Variants in PMFBP1 observed in about 807,000 individuals in gnomAD.
The protein encoded by PMFBP1 is polyamine modulated factor 1 binding protein 1, also known as polyamine-modulated factor 1-binding protein 1.
Under a neutral mutation model 137.8 loss-of-function variants are expected in PMFBP1, and 131 were observed. The observed-to-expected ratio is 0.95, with a 90% CI of 0.82 to 1.10. PMFBP1 has a LOEUF of 1.10. PMFBP1 is among the 50% of genes least tolerant of loss of function. The pLI, the probability that PMFBP1 is intolerant of heterozygous loss-of-function variation, is 0.00. For synonymous variants in PMFBP1, 490 were observed against 450.4 expected (o/e 1.09, Z -1.11); for missense variants, 1,199 against 1,175.4 (o/e 1.02, Z -0.29).
the PMFBP1 span, among the ~76,000 whole-genome samples, chr16:72,187,202 T>C: frequency 6.6e-6 from 1 of 152,034 alleles, no homozygotes; most frequent in African/African-American, 2.4e-5. Context: ...TAAAGATTGA[T>C]AGTGGATGCG....
At chr16:72,141,702 A>T (rs2042725808) in intron 5 of PMFBP1, among the ~76,000 whole-genome samples, 1 of 147,342 alleles carries the variant, frequency 6.8e-6, no homozygotes, top group Admixed American at 6.8e-5. Context: ...TTGTTTCCAT[A>T]TTTTTTTTTT....
chr16:72,130,450 C>T (rs550799362), intron 11 of PMFBP1, 83 bp downstream of exon 11: 76 of 1,605,726 alleles, frequency 4.7e-5, no homozygotes, highest in East Asian at 1.1e-4. Flanking sequence ...TGCTCTCCCA[C>T]GCCTGGGCAG....
chr16:72,160,596 G>A (rs2043047017), intron 3 of PMFBP1, among the ~76,000 whole-genome samples: 1 of 151,568 alleles, frequency 6.6e-6, no homozygotes, highest in East Asian at 1.9e-4. Flanking sequence ...TTTCATTTAA[G>A]AACCGAAAAG....
intron 5 of PMFBP1, among the ~76,000 whole-genome samples, chr16:72,147,754 A>T (rs1393375640): frequency 1.3e-5 from 2 of 152,238 alleles, no homozygotes; most frequent in Non-Finnish European, 2.9e-5. Context: ...TATGCAGCCA[A>T]GAAAGATATG....
chr16:72,128,962 C>T, intron 13 of PMFBP1, 104 bp downstream of exon 13: 3 of 1,524,690 alleles, frequency 2.0e-6, no homozygotes, highest in Non-Finnish European at 2.6e-6. Flanking sequence ...TCCCGTCTTT[C>T]CTAAGCTCTG....
chr16:72,125,143 A>C, intron 16 of PMFBP1, 95 bp downstream of exon 16: 1 of 1,486,540 alleles, frequency 6.7e-7, no homozygotes, highest in South Asian at 1.3e-5. Flanking sequence ...CTAGCAGCCC[A>C]AGGGAATGAC....
At chr16:72,140,917 C>T (rs1597472232) in intron 5 of PMFBP1, among the ~76,000 whole-genome samples, 1 of 135,906 alleles carries the variant, frequency 7.4e-6, no homozygotes, top group South Asian at 2.4e-4. Flanking sequence ...TTTTTTCTTA[C>T]ACAAATGAGT....
chr16:72,140,334 G>A (rs2042697726), intron 6 of PMFBP1, 78 bp downstream of exon 6: 1 of 1,382,680 alleles, frequency 7.2e-7, no homozygotes, highest in East Asian at 2.3e-5. Flanking sequence ...TAATTTAGGT[G>A]ACTCTTTTCC....
intron 3 of PMFBP1, among the ~76,000 whole-genome samples, chr16:72,161,830 T>G (rs2043067082): frequency 1.3e-5 from 2 of 152,228 alleles, no homozygotes; most frequent in African/African-American, 4.8e-5. Flanking sequence ...TGAAATATTT[T>G]TTTTCATTCC....
the PMFBP1 span, among the ~76,000 whole-genome samples, chr16:72,245,994 C>T: frequency 6.6e-6 from 1 of 152,134 alleles, no homozygotes; most frequent in Non-Finnish European, 1.5e-5. Flanking sequence ...GCAGAATAAA[C>T]ACCACCACTG....
chr16:72,218,629 G>A, the PMFBP1 span, among the ~76,000 whole-genome samples: 1 of 152,128 alleles, frequency 6.6e-6, no homozygotes, highest in Non-Finnish European at 1.5e-5. Flanking sequence ...AAGTTGAAAG[G>A]CTCTTTAAAA....
At chr16:72,139,738 T>G (rs2042687690) in intron 6 of PMFBP1, among the ~76,000 whole-genome samples, 1 of 152,192 alleles carries the variant, frequency 6.6e-6, no homozygotes, top group Non-Finnish European at 1.5e-5. Context: ...GATACAAAGT[T>G]TGAGAATTAA....
chr16:72,148,209 T>C (rs2042843112), intron 5 of PMFBP1, among the ~76,000 whole-genome samples: 1 of 152,208 alleles, frequency 6.6e-6, no homozygotes, highest in Admixed American at 6.5e-5. Flanking sequence ...GATGAGTTCA[T>C]GTCCTTTGCA....
intron 3 of PMFBP1, among the ~76,000 whole-genome samples, chr16:72,156,481 G>C (rs142979871): frequency 6.6e-6 from 1 of 151,860 alleles, no homozygotes; most frequent in Non-Finnish European, 1.5e-5. Flanking sequence ...TTAGCCAGGC[G>C]TGGTGGCGGG....
In PMFBP1 at chr16:72,130,600, G is replaced by A; in HGVS notation, c.1570C>T (p.Leu524=). 3 of 1,614,022 alleles carry A rather than the reference G, an allele frequency of 1.9e-6. No individual in the cohort carries two copies. Among genetic ancestry groups the A allele is most frequent in the Non-Finnish European group, 2.5e-6 (3 of 1,180,002 alleles). ...DKQKADTIQE[L]QRELQMLQKE... ...TGCAGCATCTGAAGTTCTCTCTGTA[G>A]TTCCTGGATGGTGTCTGCCTTCTGC... Residue 524 remains leucine (L), a synonymous_variant, in exon 11 of 21, where the codon CTA becomes TTA. Transcript: ENST00000237353.
the PMFBP1 span, among the ~76,000 whole-genome samples, chr16:72,233,789 T>C: frequency 6.6e-6 from 1 of 152,168 alleles, no homozygotes; most frequent in Non-Finnish European, 1.5e-5. Context: ...TCTACCTCCA[T>C]GGATATGCCT....
the PMFBP1 span, among the ~76,000 whole-genome samples, chr16:72,211,125 G>A: frequency 2.3e-4 from 35 of 152,204 alleles, no homozygotes; most frequent in African/African-American, 8.0e-4. Context: ...CAGAGAAGTT[G>A]TCTTTGTCAG....
At chr16:72,186,497 T>A in the PMFBP1 span, among the ~76,000 whole-genome samples, 1 of 152,094 alleles carries the variant, frequency 6.6e-6, no homozygotes, top group African/African-American at 2.4e-5. Flanking sequence ...GAGCTGTAGA[T>A]GCGAGAATTC....
At chr16:72,164,601 G>A in intron 3 of PMFBP1, 163 bp downstream of exon 3, 1 of 1,180,342 alleles carries the variant, frequency 8.5e-7, no homozygotes, top group Non-Finnish European at 1.2e-6. Context: ...CCATGTGTAT[G>A]TGCGTTGGGG....
Sources: allele counts gnomAD v4.1 joint callset (sites outside exome capture counted in the v4.1 genomes callset), GRCh38; gene constraint gnomAD v4.1.1; transcripts MANE v1.5; gene names NCBI Gene and HGNC (gene_info 2026-07-23, HGNC 2026-07-21).